The following ZMAT4 variants were observed in gnomAD, a reference collection of about 807,000 sequenced individuals.
ZMAT4 encodes zinc finger matrin-type protein 4.
A neutral mutation model predicts 28.7 loss-of-function variants in ZMAT4; 17 were observed. The observed-to-expected ratio is 0.59, with a 90% confidence interval of 0.41 to 0.89. The LOEUF (loss-of-function observed/expected upper bound fraction) is 0.89. Ranked by LOEUF, ZMAT4 falls within the 40% of genes least tolerant of loss-of-function variation. The probability of loss-of-function intolerance (pLI) is 0.00; values close to 1 mark genes in which losing one functional copy is unlikely to be tolerated. For synonymous variants in ZMAT4, 117 were observed against 109.2 expected, an observed-to-expected ratio of 1.07 and a Z score of -0.44; for missense variants, 240 against 283.8, an observed-to-expected ratio of 0.85 and a Z score of 1.11.
At chr8:40,667,317 G>A (rs1439759235) in intron 5 of ZMAT4, among the ~76,000 whole-genome samples, 2 of 151,844 alleles carry the variant, frequency 1.3e-5, no homozygotes, top group Admixed American at 6.6e-5. Context: ...CACCACGCCC[G>A]GCTAATTTTT....
chr8:40,575,931 T>A (rs1049620261), intron 6 of ZMAT4, among the ~76,000 whole-genome samples: 3 of 151,946 alleles, frequency 2.0e-5, no homozygotes, highest in African/African-American at 7.3e-5. Context: ...CAATTCATTA[T>A]CAGAATGAGA....
At chr8:40,634,331 A>T (rs1476877498) in intron 5 of ZMAT4, among the ~76,000 whole-genome samples, 1 of 152,198 alleles carries the variant, frequency 6.6e-6, no homozygotes, top group Non-Finnish European at 1.5e-5. Context: ...GTAAGTCTAG[A>T]CAAAGAACCT....
chr8:40,601,477 G>GAAAGAAAGAAA (rs1554525375), intron 5 of ZMAT4, among the ~76,000 whole-genome samples: 1,184 of 91,638 alleles, frequency 0.013, 158 homozygotes, highest in African/African-American at 0.036. Context: ...AGGAAAGAAA[G>GAAAGAAAGAAA]AAAGAAAGAA....
chr8:40,771,145 GA>G (rs1813372841), intron 2 of ZMAT4, among the ~76,000 whole-genome samples: 1 of 151,682 alleles, frequency 6.6e-6, no homozygotes, highest in Non-Finnish European at 1.5e-5. Flanking sequence ...TTGCGGGGGG[GA>G]AGAAACTTTA....
chr8:40,775,202 T>G (rs1248956652), intron 2 of ZMAT4, among the ~76,000 whole-genome samples: 1 of 152,198 alleles, frequency 6.6e-6, no homozygotes. Context: ...CCAAGACCCT[T>G]GAAGAATTAA....
intron 2 of ZMAT4, among the ~76,000 whole-genome samples, chr8:40,806,109 T>C (rs1815075300): frequency 6.6e-6 from 1 of 152,196 alleles, no homozygotes; most frequent in Non-Finnish European, 1.5e-5. Flanking sequence ...CATTAAGAAT[T>C]ATTTAAAAAC....
chr8:40,583,886 A>T (rs1804575492), intron 5 of ZMAT4, among the ~76,000 whole-genome samples: 3 of 152,152 alleles, frequency 2.0e-5, no homozygotes, highest in Admixed American at 6.5e-5. Flanking sequence ...GGCTCAGCAA[A>T]TGTGCATTTT....
intron 3 of ZMAT4, among the ~76,000 whole-genome samples, chr8:40,748,008 A>G (rs912706745): frequency 6.6e-6 from 1 of 152,222 alleles, no homozygotes; most frequent in Non-Finnish European, 1.5e-5. Flanking sequence ...GTGCTTATAG[A>G]CAAAGCTATA....
At chr8:40,563,336 A>T (rs910130945) in intron 6 of ZMAT4, among the ~76,000 whole-genome samples, 1 of 152,154 alleles carries the variant, frequency 6.6e-6, no homozygotes, top group African/African-American at 2.4e-5. Flanking sequence ...ATTTTCGTCT[A>T]TTAATTTGGT....
intron 3 of ZMAT4, among the ~76,000 whole-genome samples, chr8:40,749,065 T>C (rs1812355754): frequency 6.6e-6 from 1 of 152,210 alleles, no homozygotes; most frequent in Non-Finnish European, 1.5e-5. Flanking sequence ...TCTGCCACCA[T>C]GTAAGACGTG....
intron 5 of ZMAT4, among the ~76,000 whole-genome samples, chr8:40,661,112 T>G (rs769838308): frequency 1.3e-5 from 2 of 152,152 alleles, no homozygotes; most frequent in African/African-American, 2.4e-5. Context: ...TGGCTTTTTG[T>G]TTTTTTGATA....
At chr8:40,869,757 T>C (rs1359498210) in intron 1 of ZMAT4, among the ~76,000 whole-genome samples, 2 of 152,172 alleles carry the variant, frequency 1.3e-5, no homozygotes, top group Non-Finnish European at 2.9e-5. Context: ...TCCTGACGTC[T>C]TATTCTTAGG....
At chr8:40,842,570 C>T (rs1816740222) in intron 1 of ZMAT4, among the ~76,000 whole-genome samples, 1 of 152,146 alleles carries the variant, frequency 6.6e-6, no homozygotes, top group African/African-American at 2.4e-5. Context: ...CTGCACTCTT[C>T]CACTTGATTT....
intron 1 of ZMAT4, among the ~76,000 whole-genome samples, chr8:40,883,749 AT>A (rs1586220839): frequency 6.6e-6 from 1 of 152,236 alleles, no homozygotes; most frequent in East Asian, 1.9e-4. Flanking sequence ...TGGACTCTTT[AT>A]TGCCACCTGT....
chr8:40,649,721 CT>C (rs1807540486), intron 5 of ZMAT4, among the ~76,000 whole-genome samples: 1 of 152,010 alleles, frequency 6.6e-6, no homozygotes, highest in African/African-American at 2.4e-5. Context: ...TTATAACAAA[CT>C]ATCTCTCAGA....
intron 6 of ZMAT4, among the ~76,000 whole-genome samples, chr8:40,546,740 C>T (rs1803214639): frequency 1.3e-5 from 2 of 152,136 alleles, no homozygotes; most frequent in African/African-American, 4.8e-5. Context: ...GAAAGGCCCT[C>T]CAGAGCTCGG....
At position 40,643,944 on chromosome 8, in the gene ZMAT4, C is replaced by A. The variant is rs796179277; in HGVS notation, c.577+30760G>T. ...GGAGAGGAAAATAGAAACCAGAAAC[C>A]AGATCCCAAAAACATTTCCAGCAAT... On this transcript the variant is annotated intron_variant, in intron 5 of 6. Transcript: ENST00000297737. Among the ~76,000 whole-genome samples, 8 of 152,148 alleles carry A rather than the reference C, an allele frequency of 5.3e-5. 1 individual carries two copies. Among genetic ancestry groups the A allele is most frequent in the African/African-American group, 1.7e-4 (7 of 41,538 alleles).
At chr8:40,670,388 T>C (rs2118887709) in intron 5 of ZMAT4, among the ~76,000 whole-genome samples, 1 of 152,294 alleles carries the variant, frequency 6.6e-6, no homozygotes. Flanking sequence ...AAAATTAATT[T>C]CAGATACATC....
chr8:40,651,962 C>T (rs915299385), intron 5 of ZMAT4, among the ~76,000 whole-genome samples: 2 of 111,204 alleles, frequency 1.8e-5, no homozygotes, highest in Non-Finnish European at 3.9e-5. Flanking sequence ...AATGTTAGAC[C>T]TAAAACCATA....
Sources: gnomAD v4.1 joint callset for allele counts (sites outside exome capture counted in the v4.1 genomes callset) on GRCh38, gnomAD v4.1.1 for gene constraint, MANE v1.5 for transcripts, NCBI Gene and HGNC (gene_info 2026-07-23, HGNC 2026-07-21) for gene names.